The following SLC39A11 variants were observed in gnomAD, a reference collection of about 807,000 sequenced individuals.
SLC39A11 encodes the protein solute carrier family 39 member 11, also known as zinc transporter ZIP11.
SLC39A11 carries 33 observed loss-of-function variants against 36.1 expected under a neutral mutation model. The ratio of observed to expected loss-of-function variants is 0.91; its 90% CI spans 0.69 to 1.22. The LOEUF is 1.22. Ranked by LOEUF, SLC39A11 falls within the 50% of genes most tolerant of loss-of-function variation. The pLI, the probability that SLC39A11 is intolerant of heterozygous loss-of-function variation, is 0.00. For missense variants in SLC39A11, 432 were observed against 430.3 expected, an observed-to-expected ratio of 1.00 and a Z score of -0.03; for synonymous variants, 166 against 170.3, an observed-to-expected ratio of 0.97 and a Z score of 0.20.
At position 72,791,786 on chromosome 17, in the gene SLC39A11, C is replaced by A. The variant is rs193007053; in HGVS notation, c.602-55067G>T. Among the ~76,000 whole-genome samples the A allele has an allele frequency of 3.3e-5, 5 of 152,252 alleles. No homozygotes were observed. The East Asian group carries it at 9.7e-4, about 29-fold the overall frequency. On this transcript the variant is annotated intron_variant, in intron 6 of 9. Transcript: ENST00000255559. Reference sequence around the variant, plus strand: ...CAAGATCTGATGGTTTTATAAGGGGCTTTTCGCCCTTTTGCTCGGCACTTC... The same window carrying A: ...CAAGATCTGATGGTTTTATAAGGGGATTTTCGCCCTTTTGCTCGGCACTTC...
At chr17:72,868,618 CAAAAAAAAAAA>C (rs71354894) in intron 5 of SLC39A11, among the ~76,000 whole-genome samples, 32 of 56,482 alleles carry the variant, frequency 5.7e-4, no homozygotes, top group East Asian at 1.2e-3. Context: ...CCTGTCTCTA[CAAAAAAAAAAA>C]AAAAAAAAAA....
chr17:72,936,438 A>AAAAAAAAAAAAC (rs2084764237), intron 5 of SLC39A11, among the ~76,000 whole-genome samples: 1 of 148,212 alleles, frequency 6.7e-6, no homozygotes, highest in African/African-American at 2.6e-5. Flanking sequence ...AAAAAAAAAA[A>AAAAAAAAAAAAC]AAAATTCCCC....
At chr17:73,047,669 A>C (rs545038145) in intron 3 of SLC39A11, among the ~76,000 whole-genome samples, 1 of 151,888 alleles carries the variant, frequency 6.6e-6, no homozygotes, top group African/African-American at 2.4e-5. Context: ...TTAAAAAAAT[A>C]AAAATAAAAA....
chr17:72,666,193 G>T (rs2070748759), intron 7 of SLC39A11, among the ~76,000 whole-genome samples: 2 of 152,198 alleles, frequency 1.3e-5, no homozygotes, highest in Non-Finnish European at 2.9e-5. Context: ...CGAGGGTATT[G>T]TGGGTTCTCT....
At chr17:72,988,312 T>C (rs946356455) in intron 4 of SLC39A11, among the ~76,000 whole-genome samples, 2 of 152,056 alleles carry the variant, frequency 1.3e-5, no homozygotes, top group East Asian at 1.9e-4. Context: ...CACACACAAA[T>C]TGGCCGGGTG....
chr17:72,896,003 G>A lies in SLC39A11; in HGVS notation c.431-46199C>T, dbSNP rs115902643. On this transcript the variant is annotated intron_variant, in intron 5 of 9. Transcript: ENST00000255559. ...TATTTTTAATCTTTTTTTTTGGTGT[G>A]CATATGTATGATTCAGTATCTTAAA... Among the ~76,000 whole-genome samples the A allele has an allele frequency of 6.9e-3, 1,041 of 151,734 alleles. 11 individuals are homozygous for A. Among genetic ancestry groups the A allele is most frequent in the African/African-American group, 0.024 (1,004 of 41,352 alleles).
At chr17:72,806,477 T>C (rs1348026382) in intron 6 of SLC39A11, among the ~76,000 whole-genome samples, 1 of 152,200 alleles carries the variant, frequency 6.6e-6, no homozygotes, top group Non-Finnish European at 1.5e-5. Flanking sequence ...TTCATGCTGA[T>C]GTATCTTGGC....
At chr17:72,997,101 C>G (rs980720709) in intron 4 of SLC39A11, among the ~76,000 whole-genome samples, 5 of 152,044 alleles carry the variant, frequency 3.3e-5, no homozygotes, top group Admixed American at 2.0e-4. Flanking sequence ...GTTGGTCCAG[C>G]CAATTCACAG....
intron 6 of SLC39A11, among the ~76,000 whole-genome samples, chr17:72,836,324 T>G (rs1296377661): frequency 6.7e-6 from 1 of 149,042 alleles, no homozygotes; most frequent in Non-Finnish European, 1.5e-5. Flanking sequence ...GCTGTACCCA[T>G]CATTGCTTGT....
At chr17:73,037,167 A>G (rs1167030302) in intron 3 of SLC39A11, among the ~76,000 whole-genome samples, 1 of 152,216 alleles carries the variant, frequency 6.6e-6, no homozygotes, top group African/African-American at 2.4e-5. Flanking sequence ...TTTGTCGATT[A>G]TGAATAAAGT....
intron 7 of SLC39A11, among the ~76,000 whole-genome samples, chr17:72,701,452 G>A (rs1174739581): frequency 6.6e-6 from 1 of 152,190 alleles, no homozygotes; most frequent in Non-Finnish European, 1.5e-5. Context: ...GACCTGGCTA[G>A]GCATGGTAGC....
At chr17:72,685,060 C>T (rs1200852272) in intron 7 of SLC39A11, among the ~76,000 whole-genome samples, 1 of 152,354 alleles carries the variant, frequency 6.6e-6, no homozygotes. Flanking sequence ...TTCAACTCCA[C>T]TGAGTAGATG....
At chr17:72,694,561 TG>T (rs2072198028) in intron 7 of SLC39A11, among the ~76,000 whole-genome samples, 1 of 152,246 alleles carries the variant, frequency 6.6e-6, no homozygotes, top group Non-Finnish European at 1.5e-5. Flanking sequence ...GGACTTGTTT[TG>T]TAGCAGGGCT....
chr17:72,660,625 G>C (rs1345336300), intron 7 of SLC39A11, among the ~76,000 whole-genome samples: 1 of 152,188 alleles, frequency 6.6e-6, no homozygotes, highest in Non-Finnish European at 1.5e-5. Context: ...GTGAGCTGAG[G>C]TTCTGGCCTC....
At chr17:72,900,213 GAAAGAAAGAAAGA>G (rs1567913224) in intron 5 of SLC39A11, among the ~76,000 whole-genome samples, 2 of 126,226 alleles carry the variant, frequency 1.6e-5, no homozygotes, top group African/African-American at 3.2e-5. Flanking sequence ...AAGAAAGAAA[GAAAGAAAGAAAGA>G]AAGAAAAAGA....
At chr17:73,086,766 G>A (rs2060744011) in intron 2 of SLC39A11, among the ~76,000 whole-genome samples, 1 of 152,170 alleles carries the variant, frequency 6.6e-6, no homozygotes, top group Non-Finnish European at 1.5e-5. Context: ...GTTGCAGTGA[G>A]CTGAGATCAT....
chr17:72,725,396 T>A (rs577784886), intron 7 of SLC39A11: 1 of 152,308 alleles, frequency 6.6e-6, no homozygotes, highest in East Asian at 1.9e-4. Flanking sequence ...ACGAGCTTTA[T>A]AAATGCTTAA....
At chr17:73,090,030 C>T (rs919221578) in intron 1 of SLC39A11, among the ~76,000 whole-genome samples, 1 of 152,162 alleles carries the variant, frequency 6.6e-6, no homozygotes, top group South Asian at 2.1e-4. Flanking sequence ...CATTCATCTC[C>T]CTGATGGTCT....
At chr17:72,728,541 C>T (rs558878766) in intron 7 of SLC39A11, among the ~76,000 whole-genome samples, 3 of 152,136 alleles carry the variant, frequency 2.0e-5, no homozygotes, top group Non-Finnish European at 2.9e-5. Context: ...GCTTTTCAGC[C>T]TTAAGATTTC....
Sources: allele counts gnomAD v4.1 joint callset (sites outside exome capture counted in the v4.1 genomes callset), GRCh38; gene constraint gnomAD v4.1.1; transcripts MANE v1.5; gene names NCBI Gene and HGNC (gene_info 2026-07-23, HGNC 2026-07-21).